Variants in PLXDC2 observed in about 807,000 individuals in gnomAD.
PLXDC2 encodes the protein plexin domain-containing protein 2.
A neutral mutation model predicts 68.9 loss-of-function variants in PLXDC2; 40 were observed. The ratio of observed to expected loss-of-function variants is 0.58; its 90% CI spans 0.45 to 0.76. The LOEUF (loss-of-function observed/expected upper bound fraction) is 0.76, where lower values mean the gene tolerates loss of function less well. Among genes scored for constraint, PLXDC2 ranks in the 30% least tolerant of loss-of-function variants. The probability of loss-of-function intolerance (pLI) is 0.00; values close to 1 mark genes in which losing one functional copy is unlikely to be tolerated. For synonymous variants in PLXDC2, 243 were observed against 234.2 expected (o/e 1.04, Z -0.34); for missense variants, 644 against 661.9 (o/e 0.97, Z 0.30).
intron 9 of PLXDC2, among the ~76,000 whole-genome samples, chr10:20,184,994 G>A (rs996281563): frequency 1.6e-4 from 25 of 151,622 alleles, no homozygotes; most frequent in African/African-American, 4.1e-4. Context: ...ACTGGGACCC[G>A]TCAGGGGATG....
At chr10:20,123,827 G>A (rs1441695221) in intron 4 of PLXDC2, among the ~76,000 whole-genome samples, 1 of 151,834 alleles carries the variant, frequency 6.6e-6, no homozygotes, top group South Asian at 2.1e-4. Context: ...GGATCAGGGT[G>A]CAGAGATATA....
At chr10:19,994,535 G>A (rs983745549) in intron 1 of PLXDC2, among the ~76,000 whole-genome samples, 1 of 151,506 alleles carries the variant, frequency 6.6e-6, no homozygotes, top group African/African-American at 2.4e-5. Flanking sequence ...TTATAGTAGA[G>A]ATGGGGTTTT....
chr10:19,883,082 G>C (rs567433206), intron 1 of PLXDC2, among the ~76,000 whole-genome samples: 1 of 150,682 alleles, frequency 6.6e-6, no homozygotes, highest in East Asian at 2.0e-4. Flanking sequence ...TCAGCCTCCC[G>C]AGTAGCTGGG....
intron 1 of PLXDC2, among the ~76,000 whole-genome samples, chr10:19,825,204 T>G (rs116459329): frequency 2.6e-5 from 4 of 152,210 alleles, no homozygotes; most frequent in Admixed American, 1.3e-4. Context: ...TCCTCAATTA[T>G]TTTTTACTCA....
chr10:19,886,316 T>G (rs1011789731), intron 1 of PLXDC2, among the ~76,000 whole-genome samples: 3 of 152,192 alleles, frequency 2.0e-5, no homozygotes, highest in African/African-American at 7.2e-5. Flanking sequence ...ACAATTTGAC[T>G]TCCTCTTTTC....
chr10:19,999,893 C>G (rs1834905714), intron 1 of PLXDC2, among the ~76,000 whole-genome samples: 1 of 152,138 alleles, frequency 6.6e-6, no homozygotes, highest in South Asian at 2.1e-4. Context: ...ATTTTCATTC[C>G]CATTTAAAAT....
chr10:19,938,925 G>A (rs1004160156), intron 1 of PLXDC2, among the ~76,000 whole-genome samples: 1 of 152,130 alleles, frequency 6.6e-6, no homozygotes, highest in Non-Finnish European at 1.5e-5. Context: ...ATGTAATGAT[G>A]TTCCTAACTG....
chr10:20,183,372 A>G (rs947462654), intron 9 of PLXDC2, among the ~76,000 whole-genome samples: 1 of 151,960 alleles, frequency 6.6e-6, no homozygotes, highest in Non-Finnish European at 1.5e-5. Flanking sequence ...GTATGATGCT[A>G]ATTTTTCATT....
At chr10:19,932,730 AGTC>A (rs1411490374) in intron 1 of PLXDC2, among the ~76,000 whole-genome samples, 6 of 149,136 alleles carry the variant, frequency 4.0e-5, no homozygotes, top group African/African-American at 1.5e-4. Flanking sequence ...CAGAAGCTAA[AGTC>A]AGAATGTTAT....
At chr10:20,232,800 G>T (rs1421693117) in intron 12 of PLXDC2, among the ~76,000 whole-genome samples, 1 of 152,048 alleles carries the variant, frequency 6.6e-6, no homozygotes, top group Admixed American at 6.6e-5. Flanking sequence ...ATATGATTTG[G>T]GTGATGGTTA....
At chr10:20,266,378 G>A (rs560658281) in intron 13 of PLXDC2, among the ~76,000 whole-genome samples, 7 of 148,654 alleles carry the variant, frequency 4.7e-5, no homozygotes, top group South Asian at 2.1e-4. Context: ...AAAAAAAAAC[G>A]TAATGACAGA....
intron 13 of PLXDC2, among the ~76,000 whole-genome samples, chr10:20,264,100 G>C (rs1301774838): frequency 4.4e-5 from 6 of 136,090 alleles, no homozygotes; most frequent in Non-Finnish European, 7.9e-5. Context: ...TAAAGAAAAT[G>C]TGGTACATGT....
At chr10:20,188,001 CA>C (rs1432923677) in intron 9 of PLXDC2, among the ~76,000 whole-genome samples, 1 of 151,638 alleles carries the variant, frequency 6.6e-6, no homozygotes, top group Non-Finnish European at 1.5e-5. Flanking sequence ...ATTCAATACT[CA>C]ATTAAATATA....
chr10:19,833,580 C>A (rs922847072), intron 1 of PLXDC2, among the ~76,000 whole-genome samples: 1 of 152,198 alleles, frequency 6.6e-6, no homozygotes, highest in African/African-American at 2.4e-5. Context: ...GTTTTCTTTT[C>A]TTGGCATGGG....
intron 4 of PLXDC2, among the ~76,000 whole-genome samples, chr10:20,124,483 G>A (rs1168978344): frequency 1.3e-5 from 2 of 152,150 alleles, no homozygotes; most frequent in African/African-American, 2.4e-5. Context: ...CAGGAGGACA[G>A]GGGTTGATCT....
At chr10:19,848,047 C>A (rs530077798) in intron 1 of PLXDC2, among the ~76,000 whole-genome samples, 1 of 152,068 alleles carries the variant, frequency 6.6e-6, no homozygotes, top group Non-Finnish European at 1.5e-5. Flanking sequence ...AAGTCTGGTG[C>A]GGTGGCTCAT....
At chr10:20,262,564 C>T (rs1835822441) in intron 13 of PLXDC2, among the ~76,000 whole-genome samples, 1 of 152,202 alleles carries the variant, frequency 6.6e-6, no homozygotes, top group African/African-American at 2.4e-5. Context: ...CTGAGCCAAC[C>T]TGGGACAGAA....
rs58942454 is a variant in PLXDC2 at position 20,060,488 on chromosome 10, TA to T, written c.472-7660del. ...ATGAAAACATCTGATCCTGGAATGT[TA>T]AAAAAAAAAAAAAAAAAAAAAGTCA... On this transcript the variant is annotated intron_variant, in intron 3 of 13. Transcript: ENST00000377252. Among the ~76,000 whole-genome samples the T allele has an allele frequency of 4.3e-3, 593 of 139,072 alleles. 6 individuals carry two copies. Among genetic ancestry groups the T allele is most frequent in the African/African-American group, 0.011 (400 of 37,638 alleles). 91.2% of individuals were successfully genotyped at this position (139,072 alleles called of 152,430 possible).
intron 3 of PLXDC2, among the ~76,000 whole-genome samples, chr10:20,053,223 AT>A (rs1407206352): frequency 6.6e-6 from 1 of 152,114 alleles, no homozygotes; most frequent in East Asian, 1.9e-4. Flanking sequence ...GTATACTGGA[AT>A]TTGATTACAT....
Sources: gnomAD v4.1 joint callset for allele counts (sites outside exome capture counted in the v4.1 genomes callset) on GRCh38, gnomAD v4.1.1 for gene constraint, MANE v1.5 for transcripts, NCBI Gene and HGNC (gene_info 2026-07-23, HGNC 2026-07-21) for gene names.